The following MTERF2 variants were observed in gnomAD, a reference collection of about 807,000 sequenced individuals.
MTERF2 encodes the protein transcription termination factor 2, mitochondrial.
MTERF2 carries 23 observed loss-of-function variants against 29.2 expected under a neutral mutation model. That is an observed-to-expected ratio of 0.79 (90% CI 0.57 to 1.12). The LOEUF (loss-of-function observed/expected upper bound fraction) is 1.12. Ranked by LOEUF, MTERF2 falls within the 50% of genes most tolerant of loss-of-function variation. The pLI is 0.00. For missense variants in MTERF2, 440 were observed against 429.4 expected, an observed-to-expected ratio of 1.02 and a Z score of -0.22; for synonymous variants, 157 against 159.5, an observed-to-expected ratio of 0.98 and a Z score of 0.12.
chr12:106,978,357 G>T lies in MTERF2; in HGVS notation c.358C>A (p.Gln120Lys). ...TAVNTQRKLW[Q>K]LVCKNEEELI... is the part of the protein sequence containing the mutation. ...TCTTCCTCATTTTTGCAGACCAACT[G>T]CCAGAGTTTTCTCTGGGTGTTAACA... The change falls in exon 3 of 3, where the codon CAG (glutamine) becomes AAG (lysine). Residue 120 changes from glutamine (Q) to lysine (K), a missense_variant. By Grantham distance (53) the Gln-to-Lys change is moderately conservative. Coordinates refer to ENST00000240050, the MANE Select transcript of MTERF2 (RefSeq NM_001033050.3). 6.2e-7 allele frequency: 1 copy of T among 1,614,124 alleles called. No individual in the cohort carries two copies. Among genetic ancestry groups the T allele is most frequent in the Middle Eastern group, 1.6e-4 (1 of 6,062 alleles).
intron 2 of MTERF2, among the ~76,000 whole-genome samples, chr12:106,984,569 CATCTT>C (rs971659875): frequency 1.3e-5 from 2 of 152,142 alleles, no homozygotes; most frequent in African/African-American, 2.4e-5. Flanking sequence ...ACCCAAATCT[CATCTT>C]GAATTGTAGC....
chr12:106,986,774 G>A (rs1226180050), intron 1 of MTERF2, 195 bp downstream of exon 1: 1 of 152,198 alleles, frequency 6.6e-6, no homozygotes, highest in Non-Finnish European at 1.5e-5. Flanking sequence ...TTATAAGCAA[G>A]GAAAAACGAG....
rs1952000331 is a variant in MTERF2 at position 106,977,732 on chromosome 12, T to C, written c.983A>G (p.Gln328Arg). 2 of 1,614,012 alleles carry C rather than the reference T, an allele frequency of 1.2e-6. No homozygotes were observed. Among genetic ancestry groups the C allele is most frequent in the East Asian group, 4.5e-5 (2 of 44,854 alleles). Residue 328 changes from glutamine to arginine, a missense_variant, in exon 3 of 3, where the codon CAG becomes CGG. Gln to Arg is a conservative substitution (Grantham distance 43). Transcript: ENST00000240050. ...ETPMVLELTP[Q>R]IVQYRIRKLN... ...TTTCCTTATCCTGTACTGTACTATC[T>C]GTGGTGTTAATTCAAGAACCATTGG... is the stretch of plus-strand genomic sequence containing the variant.
chr12:106,985,368 A>C (rs1276789390), intron 1 of MTERF2, 143 bp from the exon 2 acceptor site: 1 of 152,276 alleles, frequency 6.6e-6, no homozygotes, highest in East Asian at 1.9e-4. Context: ...GCTTCCTGTC[A>C]GTCCCTGGTG....
At chr12:106,980,554 G>C (rs186329947) in intron 2 of MTERF2, 1 of 152,260 alleles carries the variant, frequency 6.6e-6, no homozygotes, top group Admixed American at 6.5e-5. Flanking sequence ...GTCAAAAGTG[G>C]TATAATGAAC....
In MTERF2 at chr12:106,978,003, C is replaced by T; in HGVS notation, c.712G>A (p.Gly238Ser). The T allele has an allele frequency of 6.2e-7, 1 of 1,614,130 alleles. No individual in the cohort carries two copies. The highest frequency in any genetic ancestry group is 8.5e-7 in the Non-Finnish European group (1 of 1,180,002). Reference sequence around the variant, plus strand: ...TGGAGAATTTCAAAGCTGGTGAAACCTTGCTCCTGGAGAAATTCTAGTGTT... The same window carrying T: ...TGGAGAATTTCAAAGCTGGTGAAACTTTGCTCCTGGAGAAATTCTAGTGTT... ...KETLEFLQEQ[G>S]FTSFEILQLL... The change falls in exon 3 of 3, where the codon GGT (glycine) becomes AGT (serine). Residue 238 changes from glycine to serine, a missense_variant. Transcript: ENST00000240050.
chr12:106,986,178 G>A (rs1952113557), intron 1 of MTERF2: 1 of 152,114 alleles, frequency 6.6e-6, no homozygotes, highest in Admixed American at 6.5e-5. Context: ...TAATGCAGTG[G>A]GTAAAACTGG....
In MTERF2 at chr12:106,978,318, T is replaced by G; in HGVS notation, c.397A>C (p.Ile133Leu). 1.2e-6 allele frequency: 2 copies of G among 1,614,208 alleles called. No individual in the cohort carries two copies. The highest frequency in any genetic ancestry group is 2.2e-5 in the South Asian group (2 of 91,078). Residue 133 changes from isoleucine to leucine, a missense_variant, in exon 3 of 3, where the codon ATA becomes CTA. Transcript: ENST00000240050. ...AAGAAAGATTCTGGAAACTGCTCTA[T>G]TAACTTGATTAACTCTTCCTCATTT... ...CKNEEELIKL[I>L]EQFPESFFTI...
chr12:106,978,175 A>G lies in MTERF2; in HGVS notation c.540T>C (p.Pro180=), dbSNP rs746396152. Residue 180 remains proline (P), a synonymous_variant, in exon 3 of 3, where the codon CCT becomes CCC. Transcript: ENST00000240050. ...TTACCATTTGCTTATTCTTCTCAAC[A>G]GGATTATGAAAAACATTAGGTGCAG... ...LTAAPNVFHN[P]VEKNKQMVRI... The G allele has an allele frequency of 1.2e-6, 2 of 1,613,950 alleles. No individual in the cohort carries two copies. Among genetic ancestry groups the G allele is most frequent in the Admixed American group, 1.7e-5 (1 of 60,000 alleles).
intron 1 of MTERF2, 33 bp downstream of exon 1, chr12:106,986,936 C>G (rs1267102322): frequency 6.6e-6 from 1 of 152,314 alleles, no homozygotes; most frequent in Non-Finnish European, 1.5e-5. Context: ...TGGTGAGGAA[C>G]ACGCCCAGGA....
chr12:106,978,456 G>C lies in MTERF2; in HGVS notation c.259C>G (p.Leu87Val). 1 of 1,614,228 alleles carries C rather than the reference G, an allele frequency of 6.2e-7. No homozygotes were observed. Residue 87 changes from leucine to valine, a missense_variant, in exon 3 of 3, where the codon CTA becomes GTA. Transcript: ENST00000240050. The part of the protein sequence containing the change: ...VEEIANILQE[L>V]GADETAVASI... ...GCTACAGCAGTCTCATCGGCACCTA[G>C]TTCTTGTAAAATATTCGCAATTTCT...
In MTERF2 at chr12:106,978,764, C is replaced by T. The variant is rs1479553492; in HGVS notation, c.-50G>A. ...CACCGTCCTGGGACTTAAATGGACT[C>T]ATTCTATCTGAAAAAAAGAAAATAA... On this transcript the variant is annotated 5_prime_UTR_variant, in exon 3 of 3. The change abolishes an upstream ATG in the 5' untranslated region. Transcript: ENST00000240050. 2 of 1,517,958 alleles carry T rather than the reference C, an allele frequency of 1.3e-6. No homozygotes were observed. Among genetic ancestry groups the T allele is most frequent in the East Asian group, 2.3e-5 (1 of 44,230 alleles). The allele number at this position is 1,517,958 out of a possible 1,614,324, so 94.0% of individuals were successfully genotyped here.
chr12:106,978,557 T>C lies in MTERF2; in HGVS notation c.158A>G (p.Tyr53Cys), dbSNP rs981988114. The part of the protein sequence containing the change: ...KENTRTVEKL[Y>C]KCSVDIRKIR... The stretch of plus-strand genomic sequence containing the variant: ...TTTCCTAATGTCAACTGAACATTTA[T>C]AGAGCTTTTCCACTGTTCTTGTATT... The change falls in exon 3 of 3, where the codon TAT (tyrosine) becomes TGT (cysteine). Residue 53 changes from tyrosine (Y) to cysteine (C), a missense_variant. Coordinates refer to ENST00000240050, the MANE Select transcript of MTERF2 (RefSeq NM_001033050.3). The C allele has an allele frequency of 6.8e-6, 11 of 1,614,156 alleles. No homozygotes were observed. Among genetic ancestry groups the C allele is most frequent in the Non-Finnish European group, 8.5e-6 (10 of 1,180,054 alleles).
intron 2 of MTERF2, among the ~76,000 whole-genome samples, chr12:106,982,116 C>T (rs2136797591): frequency 6.6e-6 from 1 of 152,278 alleles, no homozygotes; most frequent in African/African-American, 2.4e-5. Context: ...CGATGTCCTT[C>T]TAATGTTTAA....
Position 106,977,607 on chromosome 12 carries a change from T to G in MTERF2, c.1108A>C (p.Lys370Gln). The G allele has an allele frequency of 6.2e-7, 1 of 1,613,702 alleles. No individual in the cohort carries two copies. The highest frequency in any genetic ancestry group is 1.1e-5 in the South Asian group (1 of 91,020). ...EANFGKIQAK[K>Q]VRPLFNPVAP... ...ACAGGGTTAAATAATGGCCTTACTTTTTTGGCCTGAATTTTGCCAAAATTA... is the reference window on the plus strand; with the variant it reads ...ACAGGGTTAAATAATGGCCTTACTTGTTTGGCCTGAATTTTGCCAAAATTA... Residue 370 changes from lysine to glutamine, a missense_variant, in exon 3 of 3, where the codon AAA (lysine) becomes CAA (glutamine). Lys to Gln is a moderately conservative substitution (Grantham distance 53). Transcript: ENST00000240050.
chr12:106,985,955 C>G (rs761829563), intron 1 of MTERF2: 2 of 152,144 alleles, frequency 1.3e-5, no homozygotes, highest in East Asian at 3.9e-4. Flanking sequence ...AAAAGACCCA[C>G]GCTCACAACA....
intron 2 of MTERF2, among the ~76,000 whole-genome samples, chr12:106,981,159 G>A (rs953404874): frequency 7.2e-5 from 11 of 152,350 alleles, no homozygotes; most frequent in African/African-American, 2.6e-4. Context: ...TGTACCACAC[G>A]TGGGGGAGGA....
intron 2 of MTERF2, among the ~76,000 whole-genome samples, chr12:106,981,399 T>TGCAG (rs754427995): frequency 3.6e-4 from 55 of 152,366 alleles, no homozygotes; most frequent in Admixed American, 9.8e-4. Context: ...GCACAATGCC[T>TGCAG]GGTACAGAGT....
intron 1 of MTERF2, chr12:106,985,551 C>T (rs1952102427): frequency 6.6e-6 from 1 of 152,280 alleles, no homozygotes; most frequent in Non-Finnish European, 1.5e-5. Flanking sequence ...TGGACTTTTA[C>T]ACTTGCGCAC....
Sources: gnomAD v4.1 joint callset for allele counts (sites outside exome capture counted in the v4.1 genomes callset) on GRCh38, gnomAD v4.1.1 for gene constraint, MANE v1.5 for transcripts, NCBI Gene and HGNC (gene_info 2026-07-23, HGNC 2026-07-21) for gene names.